KIF24: variants seen among roughly 807,000 people sequenced by gnomAD.
KIF24 encodes the protein kinesin-like protein KIF24.
KIF24 carries 81 observed loss-of-function variants against 118.9 expected under a neutral mutation model. The observed-to-expected ratio is 0.68, with a 90% CI of 0.57 to 0.82. The LOEUF is 0.82. Ranked by LOEUF, KIF24 falls within the 40% of genes least tolerant of loss-of-function variation. KIF24 has a pLI of 0.00. For synonymous variants in KIF24, 599 were observed against 610.0 expected, an observed-to-expected ratio of 0.98 and a Z score of 0.27; for missense variants, 1,560 against 1,661.6, an observed-to-expected ratio of 0.94 and a Z score of 1.06.
Position 34,256,072 on chromosome 9 carries a change from TCTC to T in KIF24, c.3532_3534del (p.Glu1178del). 4.3e-6 allele frequency: 7 copies of T among 1,613,944 alleles called. No individual in the cohort carries two copies. Among genetic ancestry groups the T allele is most frequent in the African/African-American group, 1.3e-5 (1 of 75,038 alleles). On this transcript the variant is annotated inframe_deletion, in exon 11 of 13. Transcript: ENST00000402558. The stretch of plus-strand genomic sequence containing the variant: ...AAACCCCAGGAGCCATCCAGCCCCG[TCTC>T]CTCTGCATCAGCATCATACTGCTCA...
At chr9:34,271,594 T>C (rs1336876529) in intron 7 of KIF24, among the ~76,000 whole-genome samples, 3 of 152,246 alleles carry the variant, frequency 2.0e-5, no homozygotes, top group African/African-American at 7.2e-5. Flanking sequence ...TCCCTTTTAA[T>C]AACTTAGGGT....
intron 3 of KIF24, among the ~76,000 whole-genome samples, chr9:34,300,732 A>G (rs1420385254): frequency 6.6e-6 from 1 of 152,070 alleles, no homozygotes; most frequent in African/African-American, 2.4e-5. Flanking sequence ...GCAAGGAGAC[A>G]AAATAATTCG....
At chr9:34,262,990 G>T in intron 9 of KIF24, 111 bp downstream of exon 9, 1 of 772,696 alleles carries the variant, frequency 1.3e-6, no homozygotes, top group Non-Finnish European at 2.3e-6. Flanking sequence ...TCCCCACTGT[G>T]CCCAGCATCA....
At chr9:34,272,376 G>A (rs1431191998) in intron 6 of KIF24, among the ~76,000 whole-genome samples, 4 of 152,168 alleles carry the variant, frequency 2.6e-5, no homozygotes, top group African/African-American at 7.2e-5. Flanking sequence ...GGGCAGGCCC[G>A]ATGTAGAAAT....
chr9:34,279,147 T>C lies in KIF24; in HGVS notation c.1216-7217A>G, dbSNP rs142003902. ...ACTGTGGTGGTGCTGGGAAACATCA[T>C]TCAGGGACTTAATAAGAATAATACA... On this transcript the variant is annotated intron_variant, in intron 6 of 12. Transcript: ENST00000402558. Among the ~76,000 whole-genome samples the C allele has an allele frequency of 1.7e-3, 265 of 152,238 alleles. 2 individuals carry two copies. Among genetic ancestry groups the C allele is most frequent in the Non-Finnish European group, 3.0e-3 (201 of 68,016 alleles).
intron 3 of KIF24, among the ~76,000 whole-genome samples, chr9:34,303,666 C>A (rs1445569431): frequency 6.6e-6 from 1 of 151,724 alleles, no homozygotes; most frequent in East Asian, 1.9e-4. Flanking sequence ...CTGGGCAACA[C>A]GGCAAAACCT....
At position 34,310,787 on chromosome 9, in the gene KIF24, G is replaced by A. The variant is rs746188670; in HGVS notation, c.560C>T (p.Pro187Leu). 4 of 1,611,172 alleles carry A rather than the reference G, an allele frequency of 2.5e-6. No homozygotes were observed. The African/African-American group carries it at 4.0e-5, about 16-fold the overall frequency. The change falls in exon 2 of 13, where the codon CCC (proline) becomes CTC (leucine). Residue 187 changes from proline (P) to leucine (L), a missense_variant. By Grantham distance (98) the Pro-to-Leu change is moderately conservative. Around this residue, in one of 3 missense-constraint regions of KIF24, gnomAD observed 964 missense variants for 988.0 expected, o/e 0.98. Coordinates refer to ENST00000402558, the MANE Select transcript of KIF24 (RefSeq NM_194313.4). ...AACATGAGAGATTCTTTGAATAATG[G>A]GAATATCACAATCCCCCAGTATTGC... ...LSAILGDCDI[P>L]IIQRISHVSG... is the part of the protein sequence containing the mutation.
In KIF24 at chr9:34,257,668, G is replaced by C. The variant is rs953340212; in HGVS notation, c.1939C>G (p.Pro647Ala). ...CCAGAGCGCACAGTTCCTTTCACAGGGCTAGCATGAATGACCCACTCTTGT... is the reference window on the plus strand; with the variant it reads ...CCAGAGCGCACAGTTCCTTTCACAGCGCTAGCATGAATGACCCACTCTTGT... ...PSQEWVIHAS[P>A]VKGTVRSGHV... Residue 647 changes from proline (P) to alanine (A), a missense_variant, in exon 11 of 13, where the codon CCT becomes GCT. Coordinates refer to ENST00000402558, the MANE Select transcript of KIF24 (RefSeq NM_194313.4). 2 of 1,613,888 alleles carry C rather than the reference G, an allele frequency of 1.2e-6. No individual in the cohort carries two copies. The highest frequency in any genetic ancestry group is 2.2e-5 in the South Asian group (2 of 91,088).
intron 6 of KIF24, among the ~76,000 whole-genome samples, chr9:34,282,959 G>T (rs1039099739): frequency 3.3e-5 from 5 of 149,342 alleles, no homozygotes; most frequent in Admixed American, 1.4e-4. Context: ...GGTTGAGGCA[G>T]GAGAATCACA....
intron 4 of KIF24, among the ~76,000 whole-genome samples, chr9:34,295,144 T>G (rs1433646634): frequency 6.6e-6 from 1 of 151,208 alleles, no homozygotes; most frequent in African/African-American, 2.4e-5. Flanking sequence ...GGTAGGTAGG[T>G]AGATTAGATA....
intron 8 of KIF24, among the ~76,000 whole-genome samples, chr9:34,266,007 C>T (rs1040319186): frequency 1.6e-4 from 24 of 152,070 alleles, no homozygotes; most frequent in Non-Finnish European, 3.1e-4. Flanking sequence ...ATCCTCCCAC[C>T]TCAGCCTCCC....
intron 6 of KIF24, among the ~76,000 whole-genome samples, chr9:34,281,830 G>C (rs1187825717): frequency 1.3e-5 from 2 of 152,140 alleles, no homozygotes; most frequent in Non-Finnish European, 2.9e-5. Flanking sequence ...TATCCTTCTA[G>C]TCCTCTCCCT....
At position 34,280,283 on chromosome 9, in the gene KIF24, C is replaced by CAAAAAA. The variant is rs56387532; in HGVS notation, c.1215+6328_1215+6333dup. On this transcript the variant is annotated intron_variant, in intron 6 of 12. Transcript: ENST00000402558. ...TGGGCGACAGGGCGAGACTCCGTCT[C>CAAAAAA]AAAAAAAAAAAAAAAAAAAAAAAAA... 1.5e-3 allele frequency among the ~76,000 whole-genome samples: 97 copies of CAAAAAA among 64,452 alleles called. 1 individual carries two copies. The highest frequency in any genetic ancestry group is 2.8e-3 in the African/African-American group (34 of 12,232). The allele number at this position is 64,452 out of a possible 152,430, so 42.3% of individuals were successfully genotyped here. A position where few individuals can be genotyped will look rare whatever the true frequency, so the allele number is the denominator to read the frequency against.
chr9:34,282,814 G>A (rs1167346839), intron 6 of KIF24: 1 of 152,190 alleles, frequency 6.6e-6, no homozygotes, highest in Non-Finnish European at 1.5e-5. Flanking sequence ...CACTTTGGGA[G>A]GCCAAGGCTG....
chr9:34,312,120 C>A (rs1334540531), intron 1 of KIF24, among the ~76,000 whole-genome samples: 1 of 152,050 alleles, frequency 6.6e-6, no homozygotes, highest in East Asian at 1.9e-4. Flanking sequence ...TGAGTACTGG[C>A]AAAAGTTAGT....
In KIF24 at chr9:34,318,343, C is replaced by A; in HGVS notation, c.-25-6972G>T. Reference sequence around the variant, plus strand: ...GGAGCCAGCCCAGCCCAACCCAGCCCAACCCAGCTTGACCTAGCCCTGACA... The same window carrying A: ...GGAGCCAGCCCAGCCCAACCCAGCCAAACCCAGCTTGACCTAGCCCTGACA... On this transcript the variant is annotated intron_variant, in intron 1 of 12. Coordinates refer to ENST00000402558, the MANE Select transcript of KIF24 (RefSeq NM_194313.4). The surrounding 1 kb of genome is among the most constrained non-coding windows in gnomAD (Gnocchi z 4.9). 1 of 605,616 alleles carries A rather than the reference C, an allele frequency of 1.7e-6. No homozygotes were observed. Among genetic ancestry groups the A allele is most frequent in the Non-Finnish European group, 3.0e-6 (1 of 331,746 alleles). The allele number at this position is 605,616 out of a possible 1,614,324, so 37.5% of individuals were successfully genotyped here.
chr9:34,326,169 C>G (rs1473374629), intron 1 of KIF24, among the ~76,000 whole-genome samples: 1 of 152,082 alleles, frequency 6.6e-6, no homozygotes, highest in Non-Finnish European at 1.5e-5. Flanking sequence ...GCCTGGACAA[C>G]ATAGTGAGGC....
chr9:34,295,404 T>C (rs892368297), intron 4 of KIF24, among the ~76,000 whole-genome samples: 1 of 151,998 alleles, frequency 6.6e-6, no homozygotes, highest in Admixed American at 6.5e-5. Flanking sequence ...AGACCAGGCA[T>C]GGTGGCTCAC....
At chr9:34,310,365 T>C (rs1837090326) in intron 2 of KIF24, among the ~76,000 whole-genome samples, 1 of 148,648 alleles carries the variant, frequency 6.7e-6, no homozygotes, top group African/African-American at 2.4e-5. Flanking sequence ...CTGTGGATTG[T>C]GTAATTTTTT....
Sources: gnomAD v4.1 joint callset for allele counts (sites outside exome capture counted in the v4.1 genomes callset) on GRCh38, gnomAD v4.1.1 for gene constraint, gnomAD v4.1.1 regional missense constraint, Gnocchi (gnomAD v3.1) non-coding constraint, MANE v1.5 for transcripts, NCBI Gene and HGNC (gene_info 2026-07-23, HGNC 2026-07-21) for gene names.